DNM2: variants seen among roughly 807,000 people sequenced by gnomAD.
The protein encoded by DNM2 is dynamin 2.
A neutral mutation model predicts 99.0 loss-of-function variants in DNM2; 15 were observed. The ratio of observed to expected loss-of-function variants is 0.15; its 90% CI spans 0.10 to 0.23. The LOEUF (loss-of-function observed/expected upper bound fraction) is 0.23. Ranked by LOEUF, DNM2 falls within the 10% of genes least tolerant of loss-of-function variation. The probability of loss-of-function intolerance (pLI) is 1.00; values close to 1 mark genes in which losing one functional copy is unlikely to be tolerated. For missense variants in DNM2, 742 were observed against 1,189.4 expected, an observed-to-expected ratio of 0.62 and a Z score of 5.53; for synonymous variants, 525 against 481.2, an observed-to-expected ratio of 1.09 and a Z score of -1.19.
At chr19:10,792,993 T>C (rs1468332487) in intron 7 of DNM2, among the ~76,000 whole-genome samples, 1 of 152,092 alleles carries the variant, frequency 6.6e-6, no homozygotes, top group African/African-American at 2.4e-5. Context: ...TCCTCTCACC[T>C]CAGCATCCTA....
chr19:10,730,422 T>C (rs1489937119), intron 1 of DNM2, among the ~76,000 whole-genome samples: 1 of 151,868 alleles, frequency 6.6e-6, no homozygotes, highest in Admixed American at 6.6e-5. Flanking sequence ...GAACTTGCAG[T>C]GAGCCCACAC....
chr19:10,746,717 C>CTTTT lies in DNM2; in HGVS notation c.162-13015_162-13012dup, dbSNP rs1279869201. On this transcript the variant is annotated intron_variant, in intron 1 of 20. Transcript: ENST00000389253. ...TTACAGGTGTGAGCAACCGTGCCGG[C>CTTTT]TTTTTTTTTGTTTTTTGTTTTTTTT... is the stretch of plus-strand genomic sequence containing the variant. 2.6e-4 allele frequency among the ~76,000 whole-genome samples: 27 copies of CTTTT among 103,186 alleles called. 1 individual carries two copies. The highest frequency in any genetic ancestry group is 3.3e-4 in the Non-Finnish European group (18 of 54,376). The allele number at this position is 103,186 out of a possible 152,430, so 67.7% of individuals were successfully genotyped here.
chr19:10,728,262 G>T (rs569716404), intron 1 of DNM2, among the ~76,000 whole-genome samples: 1 of 152,202 alleles, frequency 6.6e-6, no homozygotes, highest in African/African-American at 2.4e-5. Flanking sequence ...CTGCCCAGGG[G>T]TGGCAGCTGC....
chr19:10,775,590 C>A lies in DNM2; in HGVS notation c.386-113C>A. The A allele has an allele frequency of 8.5e-7, 1 of 1,180,394 alleles. No homozygotes were observed. Among genetic ancestry groups the A allele is most frequent in the Non-Finnish European group, 1.3e-6 (1 of 791,250 alleles). The allele number at this position is 1,180,394 out of a possible 1,614,324, so 73.1% of individuals were successfully genotyped here. ...GTTCAGGCAGAGTGTCAGGCGACATCCTCAAGTCTGAGCCCCGCGCAGGAA... is the reference window on the plus strand; with the variant it reads ...GTTCAGGCAGAGTGTCAGGCGACATACTCAAGTCTGAGCCCCGCGCAGGAA... On this transcript the variant is annotated intron_variant, in intron 3 of 20. Transcript: ENST00000389253. This position sits in a 1 kb window ranked among gnomAD's most constrained non-coding sequence, Gnocchi z 4.3.
intron 11 of DNM2, among the ~76,000 whole-genome samples, chr19:10,801,930 A>C (rs1208073346): frequency 5.9e-5 from 9 of 151,998 alleles, no homozygotes; most frequent in Admixed American, 2.0e-4. Flanking sequence ...AAAAACAAAA[A>C]AAACAACTGC....
intron 1 of DNM2, among the ~76,000 whole-genome samples, chr19:10,731,060 G>C (rs2069296310): frequency 6.6e-6 from 1 of 152,168 alleles, no homozygotes; most frequent in Non-Finnish European, 1.5e-5. Context: ...GCTTCTCAGG[G>C]CTGCGATCCT....
At position 10,818,107 on chromosome 19, in the gene DNM2, C is replaced by T. The variant is rs2072830892; in HGVS notation, c.1672-1873C>T. On this transcript the variant is annotated intron_variant, in intron 15 of 20. Coordinates refer to ENST00000389253, the MANE Select transcript of DNM2 (RefSeq NM_001005361.3). This position sits in a 1 kb window ranked among gnomAD's most constrained non-coding sequence, Gnocchi z 4.3. ...CCCGAAAGGTGGGAGGGACCCAGGC[C>T]CTGTGTTACCCAGCCTTGCCTGGGA... is the stretch of plus-strand genomic sequence containing the variant. Among the ~76,000 whole-genome samples the T allele has an allele frequency of 6.6e-6, 1 of 152,140 alleles. No homozygotes were observed. Among genetic ancestry groups the T allele is most frequent in the Non-Finnish European group, 1.5e-5 (1 of 68,032 alleles).
At chr19:10,803,624 TC>T in intron 12 of DNM2, 1 of 986,368 alleles carries the variant, frequency 1.0e-6, no homozygotes, top group Non-Finnish European at 1.2e-6. Context: ...TCCTGGGCCT[TC>T]CCACTTACCC....
chr19:10,794,344 CGTGTGTGT>C lies in DNM2; in HGVS notation c.1128+517_1128+524del, dbSNP rs58263525. ...TGCTAGGATTTGGGACTTCTTTTTC[CGTGTGTGT>C]GTGTGTGTGTGTGTGTGTGTGTGTG... On this transcript the variant is annotated intron_variant, in intron 8 of 20. Transcript: ENST00000389253. Among the ~76,000 whole-genome samples the C allele has an allele frequency of 2.2e-3, 309 of 141,696 alleles. 4 individuals are homozygous for C. Among genetic ancestry groups the C allele is most frequent in the African/African-American group, 7.7e-3 (296 of 38,548 alleles). 93.0% of individuals were successfully genotyped at this position (141,696 alleles called of 152,430 possible). A position where few individuals can be genotyped will look rare whatever the true frequency, so the allele number is the denominator to read the frequency against.
chr19:10,771,199 A>G (rs1209898086), intron 2 of DNM2, among the ~76,000 whole-genome samples: 1 of 152,196 alleles, frequency 6.6e-6, no homozygotes, highest in Non-Finnish European at 1.5e-5. Flanking sequence ...GGAAACGTCA[A>G]GGCTTTGTAC....
chr19:10,829,209 G>C lies in DNM2; in HGVS notation c.2232G>C (p.Val744=). Reference sequence around the variant, plus strand: ...TCGGTGACATCAGCACCAGCACTGTGTCCACGCCTGTACCCCCGCCTGTCG... The same window carrying C: ...TCGGTGACATCAGCACCAGCACTGTCTCCACGCCTGTACCCCCGCCTGTCG... The part of the protein sequence containing the change: ...NIIGDISTST[V]STPVPPPVDD... The change falls in exon 19 of 21, where the codon GTG becomes GTC. Residue 744 remains valine, a synonymous_variant. Coordinates refer to ENST00000389253, the MANE Select transcript of DNM2 (RefSeq NM_001005361.3). The C allele has an allele frequency of 6.2e-7, 1 of 1,613,990 alleles. No homozygotes were observed. The highest frequency in any genetic ancestry group is 8.5e-7 in the Non-Finnish European group (1 of 1,180,040).
Position 10,812,791 on chromosome 19 carries a change from T to C in DNM2, c.1671+414T>C, listed in dbSNP as rs907507275. Among the ~76,000 whole-genome samples the C allele has an allele frequency of 2.9e-4, 44 of 151,836 alleles. No individual in the cohort carries two copies. Among genetic ancestry groups the C allele is most frequent in the African/African-American group, 2.2e-4 (9 of 41,322 alleles). ...GAGAGAGCGAGACTCCATCTCAAAA[T>C]AAACAAACAAACAAACAAAAAACAA... On this transcript the variant is annotated intron_variant, in intron 15 of 20. Coordinates refer to ENST00000389253, the MANE Select transcript of DNM2 (RefSeq NM_001005361.3). The surrounding 1 kb of genome is among the most constrained non-coding windows in gnomAD (Gnocchi z 4.0).
At position 10,830,627 on chromosome 19, in the gene DNM2, C is replaced by T; in HGVS notation, c.2543+249C>T. ...CCCTCTGCCTACTGGGGTGTGCCAC[C>T]AGGCAGCTGGGGAACCCTCACACTG... On this transcript the variant is annotated intron_variant, in intron 20 of 20. Transcript: ENST00000389253. This position sits in a 1 kb window ranked among gnomAD's most constrained non-coding sequence, Gnocchi z 4.8. 6.7e-6 allele frequency: 4 copies of T among 599,036 alleles called. No homozygotes were observed. Among genetic ancestry groups the T allele is most frequent in the Non-Finnish European group, 1.2e-5 (4 of 342,308 alleles). The allele number at this position is 599,036 out of a possible 1,614,324, so 37.1% of individuals were successfully genotyped here.
At chr19:10,790,655 CAG>C (rs1426723057) in intron 7 of DNM2, among the ~76,000 whole-genome samples, 1 of 152,064 alleles carries the variant, frequency 6.6e-6, no homozygotes, top group Non-Finnish European at 1.5e-5. Context: ...TTAGTAAAGA[CAG>C]GGGTTTCACC....
chr19:10,817,398 G>A lies in DNM2; in HGVS notation c.1672-2582G>A. ...ACCTGCCGGCGAGTTTGGGGGGCCT[G>A]TCTCGACGAGCCGCTCACCCAAGCC... On this transcript the variant is annotated intron_variant, in intron 15 of 20. Transcript: ENST00000389253. This position sits in a 1 kb window ranked among gnomAD's most constrained non-coding sequence, Gnocchi z 4.6. 2.0e-6 allele frequency: 1 copy of A among 494,478 alleles called. No individual in the cohort carries two copies. Among genetic ancestry groups the A allele is most frequent in the South Asian group, 1.5e-5 (1 of 66,548 alleles). The allele number at this position is 494,478 out of a possible 1,614,324, so 30.6% of individuals were successfully genotyped here.
At chr19:10,822,289 A>C (rs917308710) in intron 16 of DNM2, among the ~76,000 whole-genome samples, 4 of 150,120 alleles carry the variant, frequency 2.7e-5, no homozygotes, top group Non-Finnish European at 4.4e-5. Flanking sequence ...TCCCATGCTC[A>C]AGTGATCCTC....
chr19:10,728,044 C>T (rs769619910), intron 1 of DNM2, among the ~76,000 whole-genome samples: 1 of 152,280 alleles, frequency 6.6e-6, no homozygotes, highest in South Asian at 2.1e-4. Flanking sequence ...CGCCTGCTTC[C>T]GGGTGCGTTT....
intron 6 of DNM2, among the ~76,000 whole-genome samples, chr19:10,783,696 A>ATTTTT (rs1373476449): frequency 7.4e-6 from 1 of 134,446 alleles, no homozygotes; most frequent in Admixed American, 7.4e-5. Context: ...TATTATTATT[A>ATTTTT]TTATTATTAT....
At chr19:10,789,265 T>A (rs1028921750) in intron 7 of DNM2, among the ~76,000 whole-genome samples, 1 of 151,692 alleles carries the variant, frequency 6.6e-6, no homozygotes, top group African/African-American at 2.4e-5. Context: ...CTGAAGGAAG[T>A]GTTGTTGTGG....
Sources: allele counts gnomAD v4.1 joint callset (sites outside exome capture counted in the v4.1 genomes callset), GRCh38; gene constraint gnomAD v4.1.1; non-coding constraint Gnocchi (gnomAD v3.1); transcripts MANE v1.5; gene names NCBI Gene and HGNC (gene_info 2026-07-23, HGNC 2026-07-21).